Variants in KCNU1 observed in about 807,000 individuals in gnomAD.
KCNU1 encodes the protein potassium channel subfamily U member 1.
KCNU1 carries 93 observed loss-of-function variants against 126.8 expected under a neutral mutation model. The observed-to-expected ratio is 0.73, with a 90% CI of 0.62 to 0.87. KCNU1 has a LOEUF of 0.87. Among genes scored for constraint, KCNU1 ranks in the 40% least tolerant of loss-of-function variants. The probability of loss-of-function intolerance (pLI) is 0.00; values close to 1 mark genes in which losing one functional copy is unlikely to be tolerated. For synonymous variants in KCNU1, 523 were observed against 494.2 expected (o/e 1.06, Z -0.77); for missense variants, 1,330 against 1,367.1 (o/e 0.97, Z 0.43).
chr8:36,868,946 A>C (rs1006756172), intron 19 of KCNU1, among the ~76,000 whole-genome samples: 3 of 152,110 alleles, frequency 2.0e-5, no homozygotes, highest in Non-Finnish European at 1.5e-5. Context: ...CCTAGCTTCC[A>C]ATTTCTTTAC....
intron 10 of KCNU1, among the ~76,000 whole-genome samples, chr8:36,824,330 A>T (rs1464445687): frequency 6.6e-6 from 1 of 152,202 alleles, no homozygotes; most frequent in African/African-American, 2.4e-5. Flanking sequence ...AGTACAGTAC[A>T]ATATGGTATT....
At chr8:36,837,116 C>T (rs1224187717) in intron 14 of KCNU1, among the ~76,000 whole-genome samples, 171 bp downstream of exon 14, 1 of 152,008 alleles carries the variant, frequency 6.6e-6, no homozygotes, top group Non-Finnish European at 1.5e-5. Flanking sequence ...TCCCAGGTAC[C>T]ACACTGACCT....
Position 36,935,433 on chromosome 8 carries a change from T to G in KCNU1, c.3045-82T>G, listed in dbSNP as rs1029601665. The G allele has an allele frequency of 2.2e-5, 25 of 1,114,876 alleles. No individual in the cohort carries two copies. The South Asian group carries it at 3.8e-4, about 17-fold the overall frequency. 69.1% of individuals were successfully genotyped at this position (1,114,876 alleles called of 1,614,324 possible). ...CGTTTCCTCTTTGGGCCCAGCAAAATGACCTCTTTATTTGGGTCACTGCCT... is the reference window on the plus strand; with the variant it reads ...CGTTTCCTCTTTGGGCCCAGCAAAAGGACCTCTTTATTTGGGTCACTGCCT... On this transcript the variant is annotated intron_variant, in intron 26 of 26. Coordinates refer to ENST00000399881, the MANE Select transcript of KCNU1 (RefSeq NM_001031836.3).
chr8:36,802,251 A>G (rs1803340278), intron 2 of KCNU1, among the ~76,000 whole-genome samples: 1 of 152,136 alleles, frequency 6.6e-6, no homozygotes, highest in African/African-American at 2.4e-5. Flanking sequence ...AATTTGAAAT[A>G]GAAGAGCGTT....
chr8:36,857,938 A>G (rs1585470046), intron 18 of KCNU1, among the ~76,000 whole-genome samples: 1 of 152,140 alleles, frequency 6.6e-6, no homozygotes, highest in South Asian at 2.1e-4. Flanking sequence ...GAGCCACTGC[A>G]CCCAGCCACA....
chr8:36,872,377 A>G (rs1240596558), intron 19 of KCNU1, among the ~76,000 whole-genome samples: 5 of 152,040 alleles, frequency 3.3e-5, no homozygotes, highest in Admixed American at 6.6e-5. Flanking sequence ...ATCGCATGCT[A>G]TGCTATGTTA....
rs540894692 is a variant in KCNU1, at chr8:36,791,588, GCAA to G, written c.315+4172_315+4174del. On this transcript the variant is annotated intron_variant, in intron 2 of 26. Transcript: ENST00000399881. ...TCTCTGTAGATAAATTAAGCCCCTA[GCAA>G]CAACAACAGTTTTCAACCTTAGTAT... Among the ~76,000 whole-genome samples, 71 of 152,106 alleles carry G rather than the reference GCAA, an allele frequency of 4.7e-4. 2 individuals carry two copies. The highest frequency in any genetic ancestry group is 4.6e-3 in the Admixed American group (71 of 15,278).
At chr8:36,869,999 G>A (rs1056381736) in intron 19 of KCNU1, among the ~76,000 whole-genome samples, 6 of 152,234 alleles carry the variant, frequency 3.9e-5, no homozygotes, top group African/African-American at 1.2e-4. Context: ...GAAGATCTAC[G>A]ATGCAGTAGT....
At chr8:36,930,542 T>A (rs1808667054) in intron 24 of KCNU1, among the ~76,000 whole-genome samples, 1 of 152,120 alleles carries the variant, frequency 6.6e-6, no homozygotes, top group Non-Finnish European at 1.5e-5. Context: ...ATATCATTAG[T>A]TCCCCACTGG....
chr8:36,825,568 G>T (rs1804288233), intron 10 of KCNU1, among the ~76,000 whole-genome samples: 1 of 152,078 alleles, frequency 6.6e-6, no homozygotes, highest in Non-Finnish European at 1.5e-5. Context: ...TAAGTTTAAG[G>T]AGTAAAAGTG....
chr8:36,920,187 C>T (rs1808287683), intron 23 of KCNU1, among the ~76,000 whole-genome samples: 1 of 152,192 alleles, frequency 6.6e-6, no homozygotes, highest in South Asian at 2.1e-4. Context: ...CCATAACTCA[C>T]TCACTCTCCA....
chr8:36,800,005 C>T (rs10087832), intron 2 of KCNU1, among the ~76,000 whole-genome samples: 24,657 of 152,048 alleles, frequency 0.16, 2,169 homozygotes, highest in Admixed American at 0.28. Context: ...ACTTCTCTCA[C>T]TTTCTTATCA....
chr8:36,924,684 T>C (rs1221846569), intron 24 of KCNU1, among the ~76,000 whole-genome samples: 3 of 152,230 alleles, frequency 2.0e-5, no homozygotes, highest in African/African-American at 7.2e-5. Flanking sequence ...TATATCACTG[T>C]CTGTCACTGA....
intron 24 of KCNU1, 100 bp from the exon 25 acceptor site, chr8:36,930,851 T>C: frequency 2.8e-6 from 2 of 721,620 alleles, no homozygotes; most frequent in Non-Finnish European, 4.4e-6. Context: ...ATCAGGTCCA[T>C]GTTAAACAGC....
rs369710713 is a variant in KCNU1 at position 36,900,575 on chromosome 8, A to AT, written c.2010-5125dup. 6.6e-4 allele frequency among the ~76,000 whole-genome samples: 101 copies of AT among 151,974 alleles called. 1 individual carries two copies. The highest frequency in any genetic ancestry group is 2.2e-3 in the African/African-American group (93 of 41,496). On this transcript the variant is annotated intron_variant, in intron 19 of 26. Coordinates refer to ENST00000399881, the MANE Select transcript of KCNU1 (RefSeq NM_001031836.3). ...CCCTTACATTCCCCAATTTTAGGTG[A>AT]TTTTTTTTCCCCATAACATACAGAA...
intron 19 of KCNU1, among the ~76,000 whole-genome samples, chr8:36,895,323 C>T (rs1279107308): frequency 6.6e-6 from 1 of 151,998 alleles, no homozygotes; most frequent in African/African-American, 2.4e-5. Flanking sequence ...AAGTAATCTG[C>T]CCCCCTCAGC....
intron 16 of KCNU1, among the ~76,000 whole-genome samples, chr8:36,841,214 C>T (rs1804946600): frequency 6.6e-6 from 1 of 151,938 alleles, no homozygotes; most frequent in African/African-American, 2.4e-5. Context: ...CCCTCTTGGG[C>T]AAACACTTCT....
At chr8:36,836,194 T>A in intron 12 of KCNU1, 102 bp from the exon 13 acceptor site, 1 of 732,958 alleles carries the variant, frequency 1.4e-6, no homozygotes, top group Non-Finnish European at 2.3e-6. Context: ...TGCCAAGTTT[T>A]TCTACACTTA....
At chr8:36,829,276 A>G (rs1307226588) in intron 10 of KCNU1, among the ~76,000 whole-genome samples, 3 of 152,030 alleles carry the variant, frequency 2.0e-5, no homozygotes, top group African/African-American at 2.4e-5. Flanking sequence ...TAATGTTATT[A>G]TAGTCAAATA....
Sources: allele counts gnomAD v4.1 joint callset (sites outside exome capture counted in the v4.1 genomes callset), GRCh38; gene constraint gnomAD v4.1.1; transcripts MANE v1.5; gene names NCBI Gene and HGNC (gene_info 2026-07-23, HGNC 2026-07-21).